FARP1: variants seen among roughly 807,000 people sequenced by gnomAD.
FARP1 encodes the protein FERM, ARH/RhoGEF and pleckstrin domain protein 1.
FARP1 carries 52 observed loss-of-function variants against 128.8 expected under a neutral mutation model. The ratio of observed to expected loss-of-function variants is 0.40; its 90% CI spans 0.32 to 0.51. The LOEUF is 0.51. FARP1 is among the 20% of genes least tolerant of loss of function. The pLI is 0.45. For synonymous variants in FARP1, 580 were observed against 551.8 expected (o/e 1.05, Z -0.72); for missense variants, 1,333 against 1,367.9 (o/e 0.97, Z 0.40).
intron 1 of FARP1, among the ~76,000 whole-genome samples, chr13:98,173,015 G>A (rs184472137): frequency 1.1e-4 from 17 of 152,130 alleles, no homozygotes; most frequent in African/African-American, 3.9e-4. Context: ...GGGGAAATAC[G>A]CATTCTGGTT....
chr13:98,210,504 G>T (rs1222436517), intron 1 of FARP1, among the ~76,000 whole-genome samples: 2 of 151,284 alleles, frequency 1.3e-5, no homozygotes, highest in Non-Finnish European at 2.9e-5. Flanking sequence ...CTTCTGCCCT[G>T]ATTTCAAACT....
At chr13:98,312,791 C>T (rs1886536196) in intron 2 of FARP1, among the ~76,000 whole-genome samples, 1 of 152,136 alleles carries the variant, frequency 6.6e-6, no homozygotes, top group African/African-American at 2.4e-5. Context: ...TCTTGAGTCA[C>T]TATAGAGGCC....
intron 16 of FARP1, among the ~76,000 whole-genome samples, chr13:98,420,540 C>A (rs984702419): frequency 6.6e-6 from 1 of 152,168 alleles, no homozygotes; most frequent in Non-Finnish European, 1.5e-5. Context: ...GTGTTGCGTC[C>A]TTTGCTGAGG....
intron 2 of FARP1, chr13:98,333,460 C>CACAT (rs1227328408): frequency 6.6e-6 from 1 of 152,196 alleles, no homozygotes; most frequent in Non-Finnish European, 1.5e-5. Context: ...CACACACACA[C>CACAT]ACACACACAC....
rs1310663039 is a variant in FARP1, at chr13:98,256,950, T to G, written c.171+43537T>G. ...ATAATTTTCAAAGTATATATGTGGA[T>G]ATATATATATATATATATATATATA... is the stretch of plus-strand genomic sequence containing the variant. On this transcript the variant is annotated intron_variant, in intron 2 of 26. Transcript: ENST00000319562. 5.0e-3 allele frequency among the ~76,000 whole-genome samples: 76 copies of G among 15,110 alleles called. 4 individuals are homozygous for G. The highest frequency in any genetic ancestry group is 0.027 in the East Asian group (7 of 258). The allele number at this position is 15,110 out of a possible 152,430, so 9.9% of individuals were successfully genotyped here.
At chr13:98,327,544 C>G (rs1887289285) in intron 2 of FARP1, among the ~76,000 whole-genome samples, 1 of 152,226 alleles carries the variant, frequency 6.6e-6, no homozygotes, top group Admixed American at 6.5e-5. Context: ...GCTTCCTTCT[C>G]TTGGCCAGAT....
intron 2 of FARP1, among the ~76,000 whole-genome samples, chr13:98,304,776 A>G (rs1886069524): frequency 6.6e-6 from 1 of 152,212 alleles, no homozygotes; most frequent in African/African-American, 2.4e-5. Context: ...CTCTTCAACT[A>G]CTAAAAAGTT....
intron 1 of FARP1, among the ~76,000 whole-genome samples, chr13:98,152,302 A>C (rs77250748): frequency 0.011 from 1,636 of 152,226 alleles, 30 homozygotes; most frequent in African/African-American, 0.036. Flanking sequence ...ACTCTCACAC[A>C]TTTGTTGTTA....
chr13:98,446,558 G>A (rs2139173779), intron 25 of FARP1, 108 bp from the exon 26 acceptor site: 2 of 1,173,640 alleles, frequency 1.7e-6, no homozygotes, highest in East Asian at 2.3e-5. Flanking sequence ...CACGCCCGAG[G>A]AGGGAGCTGC....
In FARP1 at chr13:98,314,320, G is replaced by A. The variant is rs1432402343; in HGVS notation, c.172-29442G>A. On this transcript the variant is annotated intron_variant, in intron 2 of 26. Coordinates refer to ENST00000319562, the MANE Select transcript of FARP1 (RefSeq NM_005766.4). ...TTTTGAGATGGAGTCTTGCTTTGTC[G>A]CCAGGCTGGAGTGCACTGGCGCAAT... Among the ~76,000 whole-genome samples, 23 of 111,674 alleles carry A rather than the reference G, an allele frequency of 2.1e-4. No individual in the cohort carries two copies. The Admixed American group carries it at 2.8e-3, about 13-fold the overall frequency. 73.3% of individuals were successfully genotyped at this position (111,674 alleles called of 152,430 possible). A position where few individuals can be genotyped will look rare whatever the true frequency, so the allele number is the denominator to read the frequency against.
chr13:98,343,508 A>C (rs1888055457), intron 2 of FARP1, among the ~76,000 whole-genome samples: 1 of 152,254 alleles, frequency 6.6e-6, no homozygotes, highest in Admixed American at 6.5e-5. Flanking sequence ...TAATTGAATA[A>C]GGTGGGAGGA....
chr13:98,164,469 C>A (rs1354914198), intron 1 of FARP1, among the ~76,000 whole-genome samples: 2 of 152,160 alleles, frequency 1.3e-5, no homozygotes, highest in Non-Finnish European at 2.9e-5. Flanking sequence ...CCTTTTAATT[C>A]TTTCTAATTG....
At chr13:98,390,608 T>C (rs1566945884) in intron 10 of FARP1, 1 of 536,362 alleles carries the variant, frequency 1.9e-6, no homozygotes, top group Non-Finnish European at 3.3e-6. Flanking sequence ...ATTTTTTCTG[T>C]ATATTCAAGG....
rs113388963 is a variant in FARP1, at chr13:98,419,958, C to T, written c.1827-4614C>T. Among the ~76,000 whole-genome samples the T allele has an allele frequency of 2.5e-3, 386 of 152,238 alleles. 2 individuals are homozygous for T. Among genetic ancestry groups the T allele is most frequent in the African/African-American group, 8.9e-3 (371 of 41,540 alleles). ...TGGGCCCATGGGGTATGCAGTGTGC[C>T]AGTCACTGCCCTCTTTCATGGTTAA... On this transcript the variant is annotated intron_variant, in intron 16 of 26. Transcript: ENST00000319562.
rs115509775 is a variant in FARP1 at position 98,219,256 on chromosome 13, C to T, written c.171+5843C>T. Among the ~76,000 whole-genome samples the T allele has an allele frequency of 3.8e-3, 581 of 152,310 alleles. 6 individuals are homozygous for T. The highest frequency in any genetic ancestry group is 0.013 in the African/African-American group (561 of 41,562). ...TCAGGGTTTCCTCTTTGTGGCCCTGCAGTTGACATCAGGAGCTGGGCTTGT... is the reference window on the plus strand; with the variant it reads ...TCAGGGTTTCCTCTTTGTGGCCCTGTAGTTGACATCAGGAGCTGGGCTTGT... On this transcript the variant is annotated intron_variant, in intron 2 of 26. Coordinates refer to ENST00000319562, the MANE Select transcript of FARP1 (RefSeq NM_005766.4).
At chr13:98,253,081 T>C (rs1406609314) in intron 2 of FARP1, among the ~76,000 whole-genome samples, 2 of 152,184 alleles carry the variant, frequency 1.3e-5, no homozygotes, top group African/African-American at 4.8e-5. Flanking sequence ...GTGTGGTGCA[T>C]TAATAGCTGT....
chr13:98,400,502 T>A (rs1295292408), intron 13 of FARP1: 1 of 152,256 alleles, frequency 6.6e-6, no homozygotes, highest in African/African-American at 2.4e-5. Flanking sequence ...CAGCACAGAA[T>A]GACTTTGGTG....
chr13:98,423,546 T>G (rs147936441), intron 16 of FARP1, among the ~76,000 whole-genome samples: 3 of 152,288 alleles, frequency 2.0e-5, no homozygotes, highest in Admixed American at 2.0e-4. Context: ...CTCTGGGAAA[T>G]TCCTTTCTCA....
chr13:98,171,907 A>G (rs1047298835), intron 1 of FARP1, among the ~76,000 whole-genome samples: 38 of 152,022 alleles, frequency 2.5e-4, no homozygotes, highest in African/African-American at 8.9e-4. Flanking sequence ...ACATTTCTCT[A>G]TCTCATTTTC....
Sources: gnomAD v4.1 joint callset for allele counts (sites outside exome capture counted in the v4.1 genomes callset) on GRCh38, gnomAD v4.1.1 for gene constraint, MANE v1.5 for transcripts, NCBI Gene and HGNC (gene_info 2026-07-23, HGNC 2026-07-21) for gene names.